The following SCGB2B2 variants were observed in gnomAD, a reference collection of about 807,000 sequenced individuals.
SCGB2B2 encodes the protein secretoglobin family 2B member 2.
In SCGB2B2, 11 loss-of-function variants were observed where a neutral mutation model predicts 7.6. The ratio of observed to expected loss-of-function variants is 1.45; its 90% CI spans 0.91 to 2.40. The LOEUF (loss-of-function observed/expected upper bound fraction) is 2.40. Among genes scored for constraint, SCGB2B2 ranks in the 30% most tolerant of loss-of-function variants. The pLI is 0.00. For missense variants in SCGB2B2, 104 were observed against 115.4 expected, an observed-to-expected ratio of 0.90 and a Z score of 0.45; for synonymous variants, 50 against 48.6, an observed-to-expected ratio of 1.03 and a Z score of -0.12.
intron 1 of SCGB2B2, among the ~76,000 whole-genome samples, chr19:34,643,951 G>T (rs943265294): frequency 3.9e-5 from 6 of 152,028 alleles, no homozygotes; most frequent in African/African-American, 1.4e-4. Flanking sequence ...AAGAAAAAAG[G>T]CTGTACAAGA....
chr19:34,651,006 T>A (rs900371864), intron 1 of SCGB2B2, among the ~76,000 whole-genome samples: 3 of 151,326 alleles, frequency 2.0e-5, no homozygotes, highest in African/African-American at 7.4e-5. Flanking sequence ...AAGAAGCATA[T>A]GATCATCTCA....
intron 1 of SCGB2B2, among the ~76,000 whole-genome samples, chr19:34,655,910 C>A (rs978425405): frequency 6.6e-6 from 1 of 151,138 alleles, no homozygotes; most frequent in Non-Finnish European, 1.5e-5. Flanking sequence ...CTGAAAAAAA[C>A]CAAAGGGCAA....
At chr19:34,659,302 A>G (rs556234433) in intron 1 of SCGB2B2, among the ~76,000 whole-genome samples, 5 of 152,308 alleles carry the variant, frequency 3.3e-5, no homozygotes, top group Admixed American at 6.5e-5. Context: ...CAATAAGGCA[A>G]GAGAAAGAAA....
intron 1 of SCGB2B2, chr19:34,632,774 A>G (rs1180634639): frequency 6.6e-6 from 1 of 152,262 alleles, no homozygotes; most frequent in African/African-American, 2.4e-5. Context: ...CATCTTTAAA[A>G]GTTTGCTGGC....
At chr19:34,616,511 C>T (rs2066083817) in intron 1 of SCGB2B2, among the ~76,000 whole-genome samples, 2 of 126,220 alleles carry the variant, frequency 1.6e-5, no homozygotes, top group African/African-American at 5.4e-5. Context: ...CTGTTCATGT[C>T]CTTCGCCCAC....
At chr19:34,616,803 G>A (rs551189083) in intron 1 of SCGB2B2, among the ~76,000 whole-genome samples, 194 of 151,880 alleles carry the variant, frequency 1.3e-3, no homozygotes, top group Non-Finnish European at 2.3e-3. Flanking sequence ...TTCTTCTAGG[G>A]TTTTTATGGT....
chr19:34,660,890 A>G (rs1030434926), intron 1 of SCGB2B2, among the ~76,000 whole-genome samples: 4 of 152,222 alleles, frequency 2.6e-5, no homozygotes, highest in Non-Finnish European at 5.9e-5. Flanking sequence ...TCCATCAATG[A>G]TAGAATGGAT....
chr19:34,616,862 A>T (rs567253989), intron 1 of SCGB2B2, among the ~76,000 whole-genome samples: 4,688 of 152,040 alleles, frequency 0.031, 246 homozygotes, highest in African/African-American at 0.11. Flanking sequence ...TAATTTTTGT[A>T]TAAGGTGTAA....
intron 1 of SCGB2B2, among the ~76,000 whole-genome samples, chr19:34,600,085 A>T (rs1196368922): frequency 6.6e-6 from 1 of 152,130 alleles, no homozygotes; most frequent in Non-Finnish European, 1.5e-5. Flanking sequence ...CACAACGTGC[A>T]GGTTTGTTAC....
intron 1 of SCGB2B2, among the ~76,000 whole-genome samples, chr19:34,675,011 G>GC (rs1159217283): frequency 1.3e-5 from 2 of 152,240 alleles, no homozygotes; most frequent in African/African-American, 4.8e-5. Context: ...CAAAAGACCT[G>GC]CAATTCTCAG....
chr19:34,669,714 T>TACACACACAC (rs1555750462), intron 1 of SCGB2B2, among the ~76,000 whole-genome samples: 17 of 139,490 alleles, frequency 1.2e-4, no homozygotes, highest in Admixed American at 3.5e-4. Context: ...TGCCCCCACT[T>TACACACACAC]ACACACACAC....
chr19:34,597,864 T>C (rs575448580), intron 1 of SCGB2B2, among the ~76,000 whole-genome samples: 1 of 152,270 alleles, frequency 6.6e-6, no homozygotes, highest in East Asian at 1.9e-4. Context: ...GGGGCGTCTC[T>C]TGTGCCAAAC....
At chr19:34,631,589 A>G (rs1053417973) in intron 1 of SCGB2B2, among the ~76,000 whole-genome samples, 8 of 150,942 alleles carry the variant, frequency 5.3e-5, no homozygotes, top group African/African-American at 9.8e-5. Context: ...CACTGAAACT[A>G]TAAAAGATTG....
chr19:34,631,073 G>A (rs10421311), intron 1 of SCGB2B2, among the ~76,000 whole-genome samples: 46,378 of 143,686 alleles, frequency 0.32, 8,123 homozygotes, highest in Middle Eastern at 0.49. Flanking sequence ...ATGAGAACAC[G>A]TGGACACAGG....
intron 1 of SCGB2B2, among the ~76,000 whole-genome samples, chr19:34,658,941 A>G (rs2067369716): frequency 6.6e-6 from 1 of 152,160 alleles, no homozygotes; most frequent in East Asian, 1.9e-4. Flanking sequence ...CTTATCCACC[A>G]TGATCAAGTT....
At chr19:34,650,219 C>T (rs2067128530) in intron 1 of SCGB2B2, among the ~76,000 whole-genome samples, 1 of 151,226 alleles carries the variant, frequency 6.6e-6, no homozygotes, top group African/African-American at 2.5e-5. Context: ...TGGAAACTCA[C>T]CAGGCCTGAC....
chr19:34,598,700 T>G (rs1481644106), intron 1 of SCGB2B2, among the ~76,000 whole-genome samples: 1 of 151,812 alleles, frequency 6.6e-6, no homozygotes, highest in Non-Finnish European at 1.5e-5. Flanking sequence ...TGTGCTGTGA[T>G]GCAGGAATCA....
chr19:34,631,416 A>G (rs1327055735), intron 1 of SCGB2B2, among the ~76,000 whole-genome samples: 1 of 151,840 alleles, frequency 6.6e-6, no homozygotes, highest in Non-Finnish European at 1.5e-5. Flanking sequence ...CAGGGAAGCC[A>G]AAAGATTGGA....
At chr19:34,600,355 T>G (rs78263499) in intron 1 of SCGB2B2, among the ~76,000 whole-genome samples, 5,494 of 152,332 alleles carry the variant, frequency 0.036, 101 homozygotes, top group Middle Eastern at 0.058. Flanking sequence ...TGTAGGGAGC[T>G]TTCATATGTT....
Sources: allele counts gnomAD v4.1 joint callset (sites outside exome capture counted in the v4.1 genomes callset), GRCh38; gene constraint gnomAD v4.1.1; transcripts MANE v1.5; gene names NCBI Gene and HGNC (gene_info 2026-07-23, HGNC 2026-07-21).